STARD9: variants seen among roughly 807,000 people sequenced by gnomAD.
STARD9 encodes stAR-related lipid transfer protein 9.
A neutral mutation model predicts 399.8 loss-of-function variants in STARD9; 346 were observed. The observed-to-expected ratio is 0.87, with a 90% CI of 0.79 to 0.95. The LOEUF (loss-of-function observed/expected upper bound fraction) is 0.95, where lower values mean the gene tolerates loss of function less well. STARD9 is among the 40% of genes least tolerant of loss of function. The pLI is 0.00. For missense variants in STARD9, 5,832 were observed against 5,667.5 expected (o/e 1.03, Z -0.93); for synonymous variants, 2,203 against 2,143.5 (o/e 1.03, Z -0.77).
chr15:42,679,081 C>T (rs2060372373), intron 20 of STARD9, among the ~76,000 whole-genome samples: 1 of 152,160 alleles, frequency 6.6e-6, no homozygotes, highest in Admixed American at 6.5e-5. Flanking sequence ...GAGGAGAAAG[C>T]CAGACAAGGA....
At chr15:42,664,388 G>A (rs994136804) in intron 13 of STARD9, among the ~76,000 whole-genome samples, 1 of 152,102 alleles carries the variant, frequency 6.6e-6, no homozygotes, top group African/African-American at 2.4e-5. Flanking sequence ...TTTTGAGAAG[G>A]GGTCTTGCTC....
At chr15:42,682,855 G>A (rs16957043) in intron 22 of STARD9, among the ~76,000 whole-genome samples, 22,523 of 151,402 alleles carry the variant, frequency 0.15, 4,525 homozygotes, top group African/African-American at 0.46. Context: ...CTCACTTTTC[G>A]TCTGTTCCTT....
intron 4 of STARD9, among the ~76,000 whole-genome samples, chr15:42,635,390 C>G (rs986536065): frequency 6.6e-6 from 1 of 151,874 alleles, no homozygotes; most frequent in Non-Finnish European, 1.5e-5. Context: ...AGTGCAGTGG[C>G]GCAATTTCAG....
intron 3 of STARD9, among the ~76,000 whole-genome samples, chr15:42,587,100 C>A (rs957775585): frequency 6.6e-6 from 1 of 152,098 alleles, no homozygotes; most frequent in African/African-American, 2.4e-5. Context: ...AAGCAATTAT[C>A]CTACCTTGGC....
In STARD9 at chr15:42,689,978, G is replaced by A; in HGVS notation, c.8400G>A (p.Leu2800=). The A allele has an allele frequency of 6.5e-7, 1 of 1,537,506 alleles. No homozygotes were observed. The highest frequency in any genetic ancestry group is 8.7e-7 in the Non-Finnish European group (1 of 1,147,004). ...DTTYGEVSDN[L]LVTAQGEKTA... ...CATATGGAGAAGTTTCAGATAATTT[G>A]TTAGTGACTGCACAGGGAGAAAAAA... The change falls in exon 23 of 33, where the codon TTG becomes TTA. Residue 2800 remains leucine (L), a synonymous_variant. Transcript: ENST00000290607.
At chr15:42,581,617 C>A in intron 1 of STARD9, 1 of 658,186 alleles carries the variant, frequency 1.5e-6, no homozygotes. Flanking sequence ...CTAGTTCCCT[C>A]GTCTGGCTCC....
intron 32 of STARD9, among the ~76,000 whole-genome samples, chr15:42,719,176 T>C (rs534010988): frequency 5.7e-4 from 87 of 152,322 alleles, no homozygotes; most frequent in African/African-American, 2.0e-3. Context: ...GTGATCCCAG[T>C]GTCCTTAGGA....
intron 9 of STARD9, among the ~76,000 whole-genome samples, chr15:42,658,312 TGTGTG>T (rs2059918012): frequency 6.6e-6 from 1 of 150,930 alleles, no homozygotes; most frequent in Admixed American, 6.6e-5. Context: ...TGTGTGTGTG[TGTGTG>T]TACACTTACA....
rs540055435 is a variant in STARD9 at position 42,581,575 on chromosome 15, AGC to A, written c.48-1769_48-1768del. ...CTCCAGCTCCTAGGGCGGGTGGAAA[AGC>A]GAGCTCTGCGCACTCCTCGCTCGCT... is the stretch of plus-strand genomic sequence containing the variant. On this transcript the variant is annotated intron_variant, in intron 1 of 32. Coordinates refer to ENST00000290607, the MANE Select transcript of STARD9 (RefSeq NM_020759.3). 595 of 905,550 alleles carry A rather than the reference AGC, an allele frequency of 6.6e-4. 1 individual carries two copies. The African/African-American group carries it at 8.7e-3, about 13-fold the overall frequency. The allele number at this position is 905,550 out of a possible 1,614,324, so 56.1% of individuals were successfully genotyped here.
chr15:42,634,486 C>G (rs2059384724), intron 3 of STARD9, among the ~76,000 whole-genome samples: 1 of 152,198 alleles, frequency 6.6e-6, no homozygotes. Context: ...CAATATTTCA[C>G]TGCAGCTTTA....
Position 42,663,397 on chromosome 15 carries a change from C to A in STARD9, c.985C>A (p.Arg329=). 7.8e-6 allele frequency: 12 copies of A among 1,537,258 alleles called. No individual in the cohort carries two copies. The highest frequency in any genetic ancestry group is 1.0e-5 in the Non-Finnish European group (12 of 1,146,906). ...SGTSSGGAPS[R]RQSYIPYRDS... The stretch of plus-strand genomic sequence containing the variant: ...GACCAGCAGTGGAGGGGCACCCTCC[C>A]GAAGGCAGTCTTATATCCCATACCG... The change falls in exon 12 of 33, where the codon CGA becomes AGA. Residue 329 remains arginine (R), a synonymous_variant. Transcript: ENST00000290607.
At chr15:42,669,093 T>C in intron 15 of STARD9, 65 bp from the exon 16 acceptor site, 1 of 1,343,172 alleles carries the variant, frequency 7.4e-7, no homozygotes, top group Non-Finnish European at 1.0e-6. Context: ...TAGATTGTAA[T>C]GACTTCTGAC....
chr15:42,583,430 G>T lies in STARD9; in HGVS notation c.117+15G>T, dbSNP rs1285782663. The stretch of plus-strand genomic sequence containing the variant: ...GGAATTTAAAGGTAAGCCTGAAATT[G>T]TTTTTCATTTTCTTTCCACTGAGGA... On this transcript the variant is annotated intron_variant, in intron 2 of 32. Coordinates refer to ENST00000290607, the MANE Select transcript of STARD9 (RefSeq NM_020759.3). 2 of 1,529,588 alleles carry T rather than the reference G, an allele frequency of 1.3e-6. No individual in the cohort carries two copies. The highest frequency in any genetic ancestry group is 1.4e-5 in the African/African-American group (1 of 72,906). 94.8% of individuals were successfully genotyped at this position (1,529,588 alleles called of 1,614,324 possible). A position where few individuals can be genotyped will look rare whatever the true frequency, so the allele number is the denominator to read the frequency against.
chr15:42,694,458 A>G, intron 23 of STARD9, 70 bp from the exon 24 acceptor site: 1 of 1,524,700 alleles, frequency 6.6e-7, no homozygotes, highest in Non-Finnish European at 8.8e-7. Context: ...GGGATCTTCC[A>G]GGGGTCAGAG....
chr15:42,718,932 G>A, intron 32 of STARD9, 22 bp downstream of exon 32: 3 of 1,535,952 alleles, frequency 2.0e-6, no homozygotes, highest in East Asian at 2.4e-5. Context: ...TTTGCAGCTG[G>A]CCTCACAGCA....
intron 3 of STARD9, among the ~76,000 whole-genome samples, chr15:42,598,744 AT>A (rs2058565283): frequency 6.6e-6 from 1 of 152,190 alleles, no homozygotes; most frequent in Admixed American, 6.6e-5. Flanking sequence ...CTATATTGAA[AT>A]ATACAATAAA....
chr15:42,676,681 T>G (rs2060317820), intron 20 of STARD9, among the ~76,000 whole-genome samples: 1 of 152,148 alleles, frequency 6.6e-6, no homozygotes, highest in Non-Finnish European at 1.5e-5. Context: ...CCTTGCAGAT[T>G]TGGTACTGGG....
At chr15:42,619,515 C>T (rs183375201) in intron 3 of STARD9, among the ~76,000 whole-genome samples, 121 of 149,624 alleles carry the variant, frequency 8.1e-4, no homozygotes, top group African/African-American at 2.9e-3. Flanking sequence ...GATCGTGCCA[C>T]TGCACTCCAG....
chr15:42,621,291 A>G (rs2059087871), intron 3 of STARD9, among the ~76,000 whole-genome samples: 1 of 152,122 alleles, frequency 6.6e-6, no homozygotes, highest in African/African-American at 2.4e-5. Context: ...CAGACTTTCA[A>G]ATTATTTATA....
Sources: gnomAD v4.1 joint callset for allele counts (sites outside exome capture counted in the v4.1 genomes callset) on GRCh38, gnomAD v4.1.1 for gene constraint, MANE v1.5 for transcripts, NCBI Gene and HGNC (gene_info 2026-07-23, HGNC 2026-07-21) for gene names.